The following PPP1R9A variants were observed in gnomAD, a reference collection of about 807,000 sequenced individuals.
PPP1R9A encodes protein phosphatase 1 regulatory subunit 9A.
A neutral mutation model predicts 141.9 loss-of-function variants in PPP1R9A; 59 were observed. The observed-to-expected ratio is 0.42, with a 90% CI of 0.34 to 0.52. The LOEUF (loss-of-function observed/expected upper bound fraction) is 0.52, where lower values mean the gene tolerates loss of function less well. PPP1R9A is among the 20% of genes least tolerant of loss of function. The pLI is 0.10. For synonymous variants in PPP1R9A, 500 were observed against 569.7 expected (o/e 0.88, Z 1.74); for missense variants, 1,444 against 1,611.9 (o/e 0.90, Z 1.78).
At chr7:95,244,888 G>C (rs1797913338) in intron 8 of PPP1R9A, among the ~76,000 whole-genome samples, 1 of 152,142 alleles carries the variant, frequency 6.6e-6, no homozygotes, top group African/African-American at 2.4e-5. Context: ...CAATAAGGAA[G>C]GTTATGACTT....
chr7:95,200,743 T>C (rs533894799), intron 6 of PPP1R9A, among the ~76,000 whole-genome samples: 1 of 152,350 alleles, frequency 6.6e-6, no homozygotes, highest in East Asian at 1.9e-4. Flanking sequence ...TGAGCAGATA[T>C]TTTCAGGGGC....
At chr7:95,013,268 G>A (rs1317330090) in intron 2 of PPP1R9A, among the ~76,000 whole-genome samples, 1 of 151,898 alleles carries the variant, frequency 6.6e-6, no homozygotes, top group East Asian at 1.9e-4. Context: ...TATATATATG[G>A]GAATATAATT....
At chr7:94,994,681 G>A (rs758425313) in intron 2 of PPP1R9A, among the ~76,000 whole-genome samples, 1 of 151,932 alleles carries the variant, frequency 6.6e-6, no homozygotes, top group Non-Finnish European at 1.5e-5. Context: ...GGATCACGAG[G>A]TCAAGAGATT....
At chr7:94,989,063 A>G (rs950921243) in intron 2 of PPP1R9A, among the ~76,000 whole-genome samples, 1 of 152,088 alleles carries the variant, frequency 6.6e-6, no homozygotes, top group Non-Finnish European at 1.5e-5. Flanking sequence ...TTTAGCTTGC[A>G]TCAGAATTAC....
chr7:95,251,504 A>G (rs1798868187), intron 10 of PPP1R9A, among the ~76,000 whole-genome samples: 1 of 152,166 alleles, frequency 6.6e-6, no homozygotes, highest in African/African-American at 2.4e-5. Flanking sequence ...TCCTATCTAA[A>G]TATGTATGGG....
At chr7:95,110,765 G>A (rs1820414121) in intron 2 of PPP1R9A, among the ~76,000 whole-genome samples, 1 of 152,148 alleles carries the variant, frequency 6.6e-6, no homozygotes, top group Non-Finnish European at 1.5e-5. Context: ...TGACAAACAA[G>A]AGCCCAGGAC....
At chr7:95,195,028 A>G (rs767921126) in intron 5 of PPP1R9A, among the ~76,000 whole-genome samples, 4 of 152,094 alleles carry the variant, frequency 2.6e-5, no homozygotes, top group Non-Finnish European at 4.4e-5. Flanking sequence ...AACTCACACC[A>G]CCTAAATATT....
At chr7:95,242,645 C>T (rs1401066001) in intron 8 of PPP1R9A, among the ~76,000 whole-genome samples, 1 of 152,032 alleles carries the variant, frequency 6.6e-6, no homozygotes, top group Non-Finnish European at 1.5e-5. Flanking sequence ...TAAATGAAAG[C>T]TCCTGTTCTC....
At chr7:95,171,709 ATTGT>A (rs755884924) in intron 5 of PPP1R9A, among the ~76,000 whole-genome samples, 3 of 151,660 alleles carry the variant, frequency 2.0e-5, no homozygotes, top group Non-Finnish European at 4.4e-5. Flanking sequence ...TAAAAAGAAA[ATTGT>A]TTGTTTCACT....
chr7:95,242,817 A>G (rs191237978), intron 8 of PPP1R9A, among the ~76,000 whole-genome samples: 1 of 151,846 alleles, frequency 6.6e-6, no homozygotes, highest in African/African-American at 2.4e-5. Flanking sequence ...CCTAATCCCA[A>G]CTCTTTTCTC....
rs79087201 is a variant in PPP1R9A at position 95,034,653 on chromosome 7, G to A, written c.1396-76606G>A. On this transcript the variant is annotated intron_variant, in intron 2 of 19. Coordinates refer to ENST00000433360, the MANE Select transcript of PPP1R9A (RefSeq NM_001166160.2). The stretch of plus-strand genomic sequence containing the variant: ...CAGGCATGAGCCACCACACCCGGTC[G>A]TATTTTGTCCTTTGAACTCTAAAAG... Among the ~76,000 whole-genome samples, 862 of 152,126 alleles carry A rather than the reference G, an allele frequency of 5.7e-3. 11 individuals are homozygous for A. Among genetic ancestry groups the A allele is most frequent in the African/African-American group, 0.02 (819 of 41,496 alleles).
At chr7:95,212,361 A>G (rs1210332545) in intron 7 of PPP1R9A, among the ~76,000 whole-genome samples, 2 of 152,016 alleles carry the variant, frequency 1.3e-5, no homozygotes, top group Non-Finnish European at 2.9e-5. Context: ...TTTCTTTAGG[A>G]TATTTTAAAG....
chr7:95,253,305 T>G (rs1039974133), intron 12 of PPP1R9A, among the ~76,000 whole-genome samples: 2 of 152,186 alleles, frequency 1.3e-5, no homozygotes, highest in African/African-American at 4.8e-5. Flanking sequence ...TCGTGATCTT[T>G]CTCACATATT....
At chr7:95,286,158 G>C (rs768206490) in intron 17 of PPP1R9A, 48 bp from the exon 18 acceptor site, 2 of 1,603,158 alleles carry the variant, frequency 1.2e-6, no homozygotes, top group South Asian at 2.2e-5. Context: ...CCTACCTCTT[G>C]CTCACTCACT....
chr7:95,259,207 T>C (rs1376773874), intron 12 of PPP1R9A, among the ~76,000 whole-genome samples: 1 of 151,870 alleles, frequency 6.6e-6, no homozygotes, highest in Non-Finnish European at 1.5e-5. Flanking sequence ...AATACAGGGG[T>C]TACAACTAGA....
At chr7:95,143,624 ATTCAG>A (rs1269226712) in intron 4 of PPP1R9A, among the ~76,000 whole-genome samples, 1 of 152,156 alleles carries the variant, frequency 6.6e-6, no homozygotes, top group Non-Finnish European at 1.5e-5. Flanking sequence ...AAATCCTAAC[ATTCAG>A]TTTTCCTCCT....
intron 2 of PPP1R9A, among the ~76,000 whole-genome samples, chr7:94,965,012 C>G (rs1798047654): frequency 6.6e-6 from 1 of 152,172 alleles, no homozygotes; most frequent in Non-Finnish European, 1.5e-5. Context: ...TTAATAATTG[C>G]CATTCTAACT....
At chr7:95,193,422 A>T (rs1835799885) in intron 5 of PPP1R9A, among the ~76,000 whole-genome samples, 1 of 152,078 alleles carries the variant, frequency 6.6e-6, no homozygotes, top group Admixed American at 6.6e-5. Context: ...ATAGCAAATT[A>T]TGTTAAATTG....
chr7:95,195,750 G>A (rs534928303), intron 5 of PPP1R9A, among the ~76,000 whole-genome samples: 5 of 152,042 alleles, frequency 3.3e-5, no homozygotes, highest in Non-Finnish European at 5.9e-5. Flanking sequence ...ACAAGGATAT[G>A]TGTCAAGAAT....
Sources: allele counts gnomAD v4.1 joint callset (sites outside exome capture counted in the v4.1 genomes callset), GRCh38; gene constraint gnomAD v4.1.1; transcripts MANE v1.5; gene names NCBI Gene and HGNC (gene_info 2026-07-23, HGNC 2026-07-21).